The following VTI1A variants were observed in gnomAD, a reference collection of about 807,000 sequenced individuals.
VTI1A encodes the protein vesicle transport through interaction with t-SNAREs 1A, also known as vesicle transport through interaction with t-SNAREs homolog 1A.
VTI1A carries 22 observed loss-of-function variants against 34.9 expected under a neutral mutation model. The ratio of observed to expected loss-of-function variants is 0.63; its 90% CI spans 0.45 to 0.90. VTI1A has a LOEUF of 0.90. Ranked by LOEUF, VTI1A falls within the 40% of genes least tolerant of loss-of-function variation. VTI1A has a pLI of 0.00. For synonymous variants in VTI1A, 87 were observed against 97.3 expected (o/e 0.89, Z 0.62); for missense variants, 268 against 275.6 (o/e 0.97, Z 0.20).
rs181663946 is a variant in VTI1A, at chr10:112,510,209, G to T, written c.265-16878G>T. ...CTAAGAGCACGGTAAAAGATCTTTG[G>T]TTAGTGCTGAAGCATTCCAGTGAGA... On this transcript the variant is annotated intron_variant, in intron 3 of 7. Coordinates refer to ENST00000393077, the MANE Select transcript of VTI1A (RefSeq NM_145206.4). Among the ~76,000 whole-genome samples, 7 of 152,308 alleles carry T rather than the reference G, an allele frequency of 4.6e-5. No homozygotes were observed. In the East Asian group the frequency reaches 1.2e-3, roughly 25 times the overall value.
intron 7 of VTI1A, among the ~76,000 whole-genome samples, chr10:112,682,986 A>G (rs964389238): frequency 1.1e-4 from 16 of 152,204 alleles, no homozygotes; most frequent in African/African-American, 3.6e-4. Flanking sequence ...AGAATTAACT[A>G]CAGCTTTTTC....
chr10:112,613,887 C>T (rs1336490714), intron 5 of VTI1A, among the ~76,000 whole-genome samples: 1 of 152,188 alleles, frequency 6.6e-6, no homozygotes, highest in East Asian at 1.9e-4. Flanking sequence ...GCGTCAGCCT[C>T]AATTAAGCTC....
At chr10:112,595,405 C>T (rs9664614) in intron 5 of VTI1A, among the ~76,000 whole-genome samples, 109,859 of 150,522 alleles carry the variant, frequency 0.73, 40,813 homozygotes, top group African/African-American at 0.84. Flanking sequence ...TTTTCGCAAC[C>T]TACTCATCTG....
At chr10:112,820,723 C>G (rs1357466338), downstream of VTI1A, among the ~76,000 whole-genome samples, 1 of 152,108 alleles carries the variant, frequency 6.6e-6, no homozygotes, top group African/African-American at 2.4e-5. Flanking sequence ...AGGGCAGATG[C>G]GGGGAGTGCA....
intron 5 of VTI1A, among the ~76,000 whole-genome samples, chr10:112,653,843 C>T (rs921100338): frequency 6.6e-6 from 1 of 152,130 alleles, no homozygotes; most frequent in African/African-American, 2.4e-5. Context: ...GTTTCCCCCC[C>T]AAAATAAGTC....
rs554739172 is a variant in VTI1A at position 112,797,466 on chromosome 10, T to C, written c.561-17824T>C. ...AAAGGGGACCCACCATCCACTGCAGTTGGCTACAGGAGGAGCCCAGGGGCC... is the reference window on the plus strand; with the variant it reads ...AAAGGGGACCCACCATCCACTGCAGCTGGCTACAGGAGGAGCCCAGGGGCC... On this transcript the variant is annotated intron_variant, in intron 7 of 7. Coordinates refer to ENST00000393077, the MANE Select transcript of VTI1A (RefSeq NM_145206.4). Among the ~76,000 whole-genome samples, 15 of 152,236 alleles carry C rather than the reference T, an allele frequency of 9.9e-5. No individual in the cohort carries two copies. In the East Asian group the frequency reaches 1.2e-3, roughly 12 times the overall value.
At chr10:112,583,317 C>T (rs1844023435) in intron 5 of VTI1A, among the ~76,000 whole-genome samples, 1 of 152,118 alleles carries the variant, frequency 6.6e-6, no homozygotes, top group South Asian at 2.1e-4. Context: ...TCTCAGGTCC[C>T]TAAGTTTGAT....
chr10:112,524,383 G>A (rs936886853), intron 3 of VTI1A, among the ~76,000 whole-genome samples: 3 of 152,030 alleles, frequency 2.0e-5, no homozygotes, highest in African/African-American at 7.2e-5. Context: ...GAAATGAGTC[G>A]TCTTTTCATT....
intron 7 of VTI1A, among the ~76,000 whole-genome samples, chr10:112,710,049 A>G (rs1849355314): frequency 6.8e-6 from 1 of 146,900 alleles, no homozygotes. Context: ...TCCCTCTACT[A>G]TAGGGTTAAC....
At chr10:112,724,809 AC>A (rs1564900344) in intron 7 of VTI1A, among the ~76,000 whole-genome samples, 1 of 151,776 alleles carries the variant, frequency 6.6e-6, no homozygotes, top group East Asian at 1.9e-4. Flanking sequence ...AGAAAAAAAA[AC>A]AAAAACCTTT....
chr10:112,593,365 T>C (rs1398626952), intron 5 of VTI1A, among the ~76,000 whole-genome samples: 1 of 152,128 alleles, frequency 6.6e-6, no homozygotes, highest in East Asian at 1.9e-4. Flanking sequence ...GGTGAAAAGA[T>C]AGGATTATGA....
At chr10:112,566,432 T>C (rs559717811) in intron 5 of VTI1A, among the ~76,000 whole-genome samples, 98 of 152,356 alleles carry the variant, frequency 6.4e-4, no homozygotes, top group Non-Finnish European at 1.1e-3. Context: ...TCAAATACTT[T>C]TGTCAAATAC....
At chr10:112,499,943 T>G (rs2134150172) in intron 3 of VTI1A, among the ~76,000 whole-genome samples, 1 of 152,354 alleles carries the variant, frequency 6.6e-6, no homozygotes, top group Non-Finnish European at 1.5e-5. Context: ...CTGAGACTTC[T>G]GTCTTCAGTC....
chr10:112,797,225 C>CA (rs1255327810), intron 7 of VTI1A, among the ~76,000 whole-genome samples: 6 of 152,104 alleles, frequency 3.9e-5, no homozygotes, highest in Non-Finnish European at 8.8e-5. Flanking sequence ...AGTGCCATCT[C>CA]AGAAATGGCC....
intron 7 of VTI1A, among the ~76,000 whole-genome samples, chr10:112,754,708 C>T (rs1347145305): frequency 6.6e-6 from 1 of 152,130 alleles, no homozygotes; most frequent in Non-Finnish European, 1.5e-5. Flanking sequence ...GTCTTTATGC[C>T]CTGGCAGCTG....
At position 112,626,071 on chromosome 10, in the gene VTI1A, C is replaced by CT. The variant is rs540099068; in HGVS notation, c.428-42138dup. On this transcript the variant is annotated intron_variant, in intron 5 of 7. Coordinates refer to ENST00000393077, the MANE Select transcript of VTI1A (RefSeq NM_145206.4). Reference sequence around the variant, plus strand: ...ACAAAGTACATTTGGAAACTGCATCCTTTTTTTTTGTAATGATTTCGCAGT... The same window carrying CT: ...ACAAAGTACATTTGGAAACTGCATCCTTTTTTTTTTGTAATGATTTCGCAGT... 9.1e-3 allele frequency among the ~76,000 whole-genome samples: 1,373 copies of CT among 151,198 alleles called. 16 individuals are homozygous for CT. The highest frequency in any genetic ancestry group is 0.016 in the Non-Finnish European group (1,059 of 67,714).
chr10:112,580,363 G>A (rs1213394504), intron 5 of VTI1A, among the ~76,000 whole-genome samples: 1 of 152,192 alleles, frequency 6.6e-6, no homozygotes, highest in Non-Finnish European at 1.5e-5. Context: ...TGAAAGGCAA[G>A]GTCAAGAACT....
the VTI1A span, among the ~76,000 whole-genome samples, chr10:112,836,357 A>T: frequency 6.6e-6 from 1 of 152,340 alleles, no homozygotes; most frequent in East Asian, 1.9e-4. Context: ...GTTATATAAA[A>T]TGAGGAAACT....
chr10:112,533,573 T>C, intron 4 of VTI1A: 1 of 1,010,424 alleles, frequency 9.9e-7, no homozygotes, highest in South Asian at 4.7e-5. Flanking sequence ...TAGCTTCTTT[T>C]TTTTTTTTAA....
Sources: allele counts gnomAD v4.1 joint callset (sites outside exome capture counted in the v4.1 genomes callset), GRCh38; gene constraint gnomAD v4.1.1; transcripts MANE v1.5; gene names NCBI Gene and HGNC (gene_info 2026-07-23, HGNC 2026-07-21).